The following CPSF3 variants were observed in gnomAD, a reference collection of about 807,000 sequenced individuals.
CPSF3 encodes the protein cleavage and polyadenylation specific factor 3, also known as cleavage and polyadenylation specificity factor subunit 3.
CPSF3 carries 57 observed loss-of-function variants against 84.1 expected under a neutral mutation model. The observed-to-expected ratio is 0.68, with a 90% confidence interval of 0.55 to 0.85. CPSF3 has a LOEUF of 0.85. Ranked by LOEUF, CPSF3 falls within the 40% of genes least tolerant of loss-of-function variation. The probability of loss-of-function intolerance (pLI) is 0.00; values close to 1 mark genes in which losing one functional copy is unlikely to be tolerated. For synonymous variants in CPSF3, 275 were observed against 278.1 expected, an observed-to-expected ratio of 0.99 and a Z score of 0.11; for missense variants, 522 against 838.8, an observed-to-expected ratio of 0.62 and a Z score of 4.66.
intron 15 of CPSF3, among the ~76,000 whole-genome samples, chr2:9,466,252 A>ATG (rs1681922512): frequency 7.1e-6 from 1 of 140,046 alleles, no homozygotes; most frequent in Admixed American, 7.0e-5. Flanking sequence ...ACGCACGCGC[A>ATG]CACACGCACA....
intron 15 of CPSF3, among the ~76,000 whole-genome samples, chr2:9,464,647 A>G (rs6718787): frequency 0.069 from 10,507 of 152,112 alleles, 1,248 homozygotes; most frequent in African/African-American, 0.24. Context: ...ACTTGAGTAC[A>G]GTGGTGCAAT....
intron 15 of CPSF3, among the ~76,000 whole-genome samples, chr2:9,465,184 A>G (rs948554576): frequency 7.9e-5 from 12 of 152,184 alleles, no homozygotes; most frequent in Admixed American, 1.3e-4. Context: ...TACATGATAC[A>G]ATATTTTAAA....
chr2:9,432,756 AT>A, intron 5 of CPSF3, 68 bp downstream of exon 5: 1 of 1,253,776 alleles, frequency 8.0e-7, no homozygotes, highest in Non-Finnish European at 1.0e-6. Flanking sequence ...ACCAAGTACT[AT>A]TAAAAAAAAA....
chr2:9,466,179 C>CAT (rs1489073612), intron 15 of CPSF3, among the ~76,000 whole-genome samples: 1 of 107,768 alleles, frequency 9.3e-6, no homozygotes, highest in African/African-American at 3.3e-5. Context: ...TGTCTCTACA[C>CAT]GCACACACAC....
rs1314826427 is a variant in CPSF3 at position 9,432,255 on chromosome 2, T to C, written c.342-256T>C. ...TTGTCTTAATTTATTGTATGTATTA[T>C]TGAAAATTGAGAGTACTTTGAGCTC... On this transcript the variant is annotated intron_variant, in intron 4 of 17. Coordinates refer to ENST00000238112, the MANE Select transcript of CPSF3 (RefSeq NM_016207.4). Among the ~76,000 whole-genome samples, 5 of 152,314 alleles carry C rather than the reference T, an allele frequency of 3.3e-5. No individual in the cohort carries two copies. In the East Asian group the frequency reaches 5.8e-4, roughly 18 times the overall value.
chr2:9,444,574 C>T (rs146526271), intron 10 of CPSF3, among the ~76,000 whole-genome samples: 82 of 152,120 alleles, frequency 5.4e-4, no homozygotes, highest in African/African-American at 1.9e-3. Flanking sequence ...AAATAGATGA[C>T]GTGCCCTTTC....
Position 9,467,714 on chromosome 2 carries a change from A to G in CPSF3, c.1794A>G (p.Val598=), listed in dbSNP as rs1682023580. The G allele has an allele frequency of 6.2e-7, 1 of 1,610,982 alleles. No homozygotes were observed. Among genetic ancestry groups the G allele is most frequent in the East Asian group, 2.2e-5 (1 of 44,806 alleles). Reference sequence around the variant, plus strand: ...CGCTTTTTTTTTTCCCAGGTGCAGTACAGAAGGTTTCTAAAAAATTAGAAA... The same window carrying G: ...CGCTTTTTTTTTTCCCAGGTGCAGTGCAGAAGGTTTCTAAAAAATTAGAAA... ...QSNPKIRKGA[V]QKVSKKLEMH... Residue 598 remains valine (V), a synonymous_variant, in exon 16 of 18, where the codon GTA becomes GTG. Coordinates refer to ENST00000238112, the MANE Select transcript of CPSF3 (RefSeq NM_016207.4).
chr2:9,440,820 G>A (rs145779452), intron 8 of CPSF3, among the ~76,000 whole-genome samples, 154 bp downstream of exon 8: 1 of 152,102 alleles, frequency 6.6e-6, no homozygotes, highest in African/African-American at 2.4e-5. Flanking sequence ...GTTTGAGACC[G>A]GCCTGGGCAA....
chr2:9,428,677 G>A, intron 1 of CPSF3, 88 bp from the exon 2 acceptor site: 2 of 814,436 alleles, frequency 2.5e-6, no homozygotes, highest in Non-Finnish European at 2.1e-6. Context: ...CAGATGGCAT[G>A]TAGTGTACAT....
intron 15 of CPSF3, among the ~76,000 whole-genome samples, chr2:9,466,220 ACGCACACACACACGTGCGCGCACGCACG>A (rs1681913212): frequency 6.8e-6 from 1 of 147,962 alleles, no homozygotes; most frequent in South Asian, 2.2e-4. Flanking sequence ...GCACACACGC[ACGCACACACACACGTGCGCGCACGCACG>A]CGCACACACG....
At chr2:9,427,025 A>G (rs979712337) in intron 1 of CPSF3, among the ~76,000 whole-genome samples, 3 of 152,214 alleles carry the variant, frequency 2.0e-5, no homozygotes, top group South Asian at 2.1e-4. Flanking sequence ...GGTCTGGGGA[A>G]AGAATAAAGT....
chr2:9,437,866 G>A (rs931623883), intron 7 of CPSF3, among the ~76,000 whole-genome samples: 3 of 152,178 alleles, frequency 2.0e-5, no homozygotes, highest in Non-Finnish European at 2.9e-5. Flanking sequence ...GCTGGACGTG[G>A]TGATACACGC....
chr2:9,428,656 G>A, intron 1 of CPSF3, 109 bp from the exon 2 acceptor site: 1 of 685,094 alleles, frequency 1.5e-6, no homozygotes, highest in Non-Finnish European at 2.6e-6. Flanking sequence ...TTTTCAGTGA[G>A]GTGCTGTCAT....
At chr2:9,434,175 G>C (rs1376219111) in intron 6 of CPSF3, among the ~76,000 whole-genome samples, 2 of 152,088 alleles carry the variant, frequency 1.3e-5, no homozygotes, top group African/African-American at 4.8e-5. Context: ...AAGGCCAGGA[G>C]TTAGAGACCA....
At chr2:9,424,199 A>G in intron 1 of CPSF3, 1 of 1,023,616 alleles carries the variant, frequency 9.8e-7, no homozygotes, top group Non-Finnish European at 1.2e-6. Context: ...GACCGACAGG[A>G]TGAGAGGAGG....
At chr2:9,427,455 G>T (rs986803143) in intron 1 of CPSF3, among the ~76,000 whole-genome samples, 3 of 152,172 alleles carry the variant, frequency 2.0e-5, no homozygotes, top group Non-Finnish European at 2.9e-5. Flanking sequence ...AGTTGATATG[G>T]AAATGAAATG....
intron 2 of CPSF3, 29 bp from the exon 3 acceptor site, chr2:9,429,894 A>G: frequency 7.0e-7 from 1 of 1,431,806 alleles, no homozygotes; most frequent in Non-Finnish European, 9.7e-7. Flanking sequence ...TGTGCAGGAG[A>G]TTGTGATCTC....
intron 16 of CPSF3, chr2:9,468,015 TGCTGGCACAGG>T (rs2124873608): frequency 5.1e-6 from 2 of 393,986 alleles, no homozygotes; most frequent in South Asian, 7.8e-5. Flanking sequence ...TGCTTCAGGA[TGCTGGCACAGG>T]GCTGGCACAG....
At chr2:9,466,604 T>C in intron 15 of CPSF3, among the ~76,000 whole-genome samples, 1 of 151,972 alleles carries the variant, frequency 6.6e-6, no homozygotes, top group Non-Finnish European at 1.5e-5. Flanking sequence ...TCTAAATAAA[T>C]AAATAAATAA....
Sources: gnomAD v4.1 joint callset for allele counts (sites outside exome capture counted in the v4.1 genomes callset) on GRCh38, gnomAD v4.1.1 for gene constraint, MANE v1.5 for transcripts, NCBI Gene and HGNC (gene_info 2026-07-23, HGNC 2026-07-21) for gene names.